The following PRR12 variants were observed in gnomAD, a reference collection of about 807,000 sequenced individuals.
The protein encoded by PRR12 is proline-rich protein 12.
A neutral mutation model predicts 138.0 loss-of-function variants in PRR12; 12 were observed. That is an observed-to-expected ratio of 0.09 (90% CI 0.06 to 0.14). The LOEUF is 0.14. Ranked by LOEUF, PRR12 falls within the 10% of genes least tolerant of loss-of-function variation. PRR12 has a pLI of 1.00. For synonymous variants in PRR12, 1,567 were observed against 1,291.7 expected (o/e 1.21, Z -4.57); for missense variants, 2,692 against 2,861.3 (o/e 0.94, Z 1.35).
Position 49,596,726 on chromosome 19 carries a change from T to C in PRR12, c.2391T>C (p.Pro797=), listed in dbSNP as rs1568422758. Residue 797 remains proline, a synonymous_variant, in exon 4 of 14, where the codon CCT becomes CCC. Transcript: ENST00000418929. The surrounding 1 kb of genome is among the most constrained non-coding windows in gnomAD (Gnocchi z 5.6). ...GPDLPLVLPP[P]PPQLLPSVLS... ...ACCTCCCACTGGTGCTGCCTCCGCC[T>C]CCCCCCCAGCTGCTCCCCTCGGTCC... 1.3e-6 allele frequency: 2 copies of C among 1,595,916 alleles called. No individual in the cohort carries two copies. Among genetic ancestry groups the C allele is most frequent in the East Asian group, 2.2e-5 (1 of 44,580 alleles).
chr19:49,625,478 C>T lies in PRR12; in HGVS notation c.5982C>T (p.Gly1994=), dbSNP rs370259272. 80 of 1,606,622 alleles carry T rather than the reference C, an allele frequency of 5.0e-5. No individual in the cohort carries two copies. The highest frequency in any genetic ancestry group is 1.2e-4 in the African/African-American group (9 of 73,524). ...CCCTGCAGACCCTGGCCATCGAGGG[C>T]GGCGCCGAGGACCTGGGCCAGGAGG... ...RCRDQTLAIE[G]GAEDLGQEEV... is the part of the protein sequence containing the mutation. Residue 1994 remains glycine (G), a synonymous_variant, in exon 14 of 14, where the codon GGC becomes GGT. Transcript: ENST00000418929. This position sits in a 1 kb window ranked among gnomAD's most constrained non-coding sequence, Gnocchi z 5.5.
chr19:49,614,395 G>T lies in PRR12; in HGVS notation c.4774-138G>T. ...ACACAGAGCTGAACACATCATGGGG[G>T]TAGAAGATATTTGTTGTTGACGTGT... is the stretch of plus-strand genomic sequence containing the variant. On this transcript the variant is annotated intron_variant, in intron 6 of 13. Coordinates refer to ENST00000418929, the MANE Select transcript of PRR12 (RefSeq NM_020719.3). This position sits in a 1 kb window ranked among gnomAD's most constrained non-coding sequence, Gnocchi z 5.0. 1.6e-6 allele frequency: 1 copy of T among 612,370 alleles called. No individual in the cohort carries two copies. Among genetic ancestry groups the T allele is most frequent in the East Asian group, 2.8e-5 (1 of 35,296 alleles). 37.9% of individuals were successfully genotyped at this position (612,370 alleles called of 1,614,324 possible).
Position 49,620,503 on chromosome 19 carries a change from G to T in PRR12, c.5623+26G>T, listed in dbSNP as rs376034554. The T allele has an allele frequency of 3.3e-4, 508 of 1,548,002 alleles. 3 individuals carry two copies. Among genetic ancestry groups the T allele is most frequent in the Non-Finnish European group, 4.0e-4 (454 of 1,144,074 alleles). On this transcript the variant is annotated intron_variant, in intron 10 of 13. Transcript: ENST00000418929. ...GTGAGCTGAGGCCTGGGGAGGAGGG[G>T]GGGGGGCTGACTCGGTCTGAGGGAG...
intron 6 of PRR12, among the ~76,000 whole-genome samples, chr19:49,607,361 GCACACA>G (rs72175242): frequency 1.4e-5 from 2 of 147,760 alleles, no homozygotes; most frequent in African/African-American, 5.1e-5. Context: ...ATGTACGTGT[GCACACA>G]CACACACACA....
chr19:49,596,215 G>A lies in PRR12; in HGVS notation c.1880G>A (p.Gly627Asp), dbSNP rs372753401. The A allele has an allele frequency of 3.8e-5, 62 of 1,610,626 alleles. No individual in the cohort carries two copies. The highest frequency in any genetic ancestry group is 1.7e-4 in the Middle Eastern group (1 of 6,060). The change falls in exon 4 of 14, where the codon GGC becomes GAC. Residue 627 changes from glycine to aspartate, a missense_variant. By Grantham distance (94) the Gly-to-Asp change is moderately conservative. Coordinates refer to ENST00000418929, the MANE Select transcript of PRR12 (RefSeq NM_020719.3). The surrounding 1 kb of genome is among the most constrained non-coding windows in gnomAD (Gnocchi z 5.6). ...GGGGATGGCTCGGAGCTGCTGGCGGGCCCAGGTGGGCCTCCTGCGGAGCGC... is the reference window on the plus strand; with the variant it reads ...GGGGATGGCTCGGAGCTGCTGGCGGACCCAGGTGGGCCTCCTGCGGAGCGC... ...GKGDGSELLA[G>D]PGGPPAERTE...
At chr19:49,624,597 T>C (rs1244706506) in intron 11 of PRR12, among the ~76,000 whole-genome samples, 1 of 150,006 alleles carries the variant, frequency 6.7e-6, no homozygotes, top group East Asian at 2.0e-4. Flanking sequence ...CTGGGGTAGA[T>C]GGTTAGGATG....
In PRR12 at chr19:49,614,041, G is replaced by T. The variant is rs547357924; in HGVS notation, c.4774-492G>T. ...AAGAATCGGCTTGAACCCGGGAGGC[G>T]GAGGTCGCAGTGAGCTGAGATTGCG... On this transcript the variant is annotated intron_variant, in intron 6 of 13. Coordinates refer to ENST00000418929, the MANE Select transcript of PRR12 (RefSeq NM_020719.3). The surrounding 1 kb of genome is among the most constrained non-coding windows in gnomAD (Gnocchi z 5.0). Among the ~76,000 whole-genome samples the T allele has an allele frequency of 1.3e-5, 2 of 152,256 alleles. No individual in the cohort carries two copies. The highest frequency in any genetic ancestry group is 2.1e-4 in the South Asian group (1 of 4,828).
In PRR12 at chr19:49,616,213, G is replaced by A. The variant is rs751059175; in HGVS notation, c.5491G>A (p.Glu1831Lys). The change falls in exon 9 of 14, where the codon GAG (glutamate) becomes AAG (lysine). Residue 1831 changes from glutamate (E) to lysine (K), a missense_variant. Coordinates refer to ENST00000418929, the MANE Select transcript of PRR12 (RefSeq NM_020719.3). This position sits in a 1 kb window ranked among gnomAD's most constrained non-coding sequence, Gnocchi z 4.2. ...GGAGTCCTCCCCTGGAGCCCCCAGC[G>A]AGGACGGTGAGGCCCTAGGCAGCCT... Reference protein sequence around the residue: ...DSESSPGAPSEDERAVPGRLL... With the variant: ...DSESSPGAPSKDERAVPGRLL... The A allele has an allele frequency of 1.2e-5, 19 of 1,528,062 alleles. No homozygotes were observed. The highest frequency in any genetic ancestry group is 6.3e-5 in the South Asian group (5 of 79,444). 94.7% of individuals were successfully genotyped at this position (1,528,062 alleles called of 1,614,324 possible).
At chr19:49,603,264 G>T (rs192858284) in intron 6 of PRR12, among the ~76,000 whole-genome samples, 257 of 152,388 alleles carry the variant, frequency 1.7e-3, no homozygotes, top group Non-Finnish European at 3.0e-3. Context: ...CGGCTGAGCA[G>T]GTGCTCAGGA....
At chr19:49,621,442 G>A (rs1458582554) in intron 10 of PRR12, 83 bp from the exon 11 acceptor site, 13 of 1,100,308 alleles carry the variant, frequency 1.2e-5, no homozygotes, top group Non-Finnish European at 1.7e-5. Context: ...AGGGGATTTG[G>A]GGACCCAGAC....
rs1262444423 is a variant in PRR12, at chr19:49,596,290, C to T, written c.1955C>T (p.Pro652Leu). ...LIQHLLQAPS[P>L]PRTSGADGLV... is the part of the protein sequence containing the mutation. ...CAGCACCTCTTGCAGGCGCCCAGCC[C>T]TCCTCGGACCTCAGGGGCGGACGGC... The change falls in exon 4 of 14, where the codon CCT (proline) becomes CTT (leucine). Residue 652 changes from proline (P) to leucine (L), a missense_variant. Pro to Leu is a moderately conservative substitution (Grantham distance 98). Transcript: ENST00000418929. This position sits in a 1 kb window ranked among gnomAD's most constrained non-coding sequence, Gnocchi z 5.6. 6.2e-7 allele frequency: 1 copy of T among 1,611,392 alleles called. No homozygotes were observed. Among genetic ancestry groups the T allele is most frequent in the South Asian group, 1.1e-5 (1 of 90,994 alleles).
chr19:49,596,143 C>T lies in PRR12; in HGVS notation c.1808C>T (p.Pro603Leu), dbSNP rs535703648. The change falls in exon 4 of 14, where the codon CCG becomes CTG. Residue 603 changes from proline (P) to leucine (L), a missense_variant. Physicochemically the swap from Pro to Leu is moderately conservative, Grantham distance 98. Around this residue, in one of 11 missense-constraint regions of PRR12, gnomAD observed 66 missense variants for 102.4 expected, o/e 0.64. Coordinates refer to ENST00000418929, the MANE Select transcript of PRR12 (RefSeq NM_020719.3). This position sits in a 1 kb window ranked among gnomAD's most constrained non-coding sequence, Gnocchi z 5.6. Reference sequence around the variant, plus strand: ...GCCTCAGCGCCTTTCCTGGCACCTCCGGGAGCTGGCAGCTATGCAGCCGGA... The same window carrying T: ...GCCTCAGCGCCTTTCCTGGCACCTCTGGGAGCTGGCAGCTATGCAGCCGGA... ...VLASAPFLAP[P>L]GAGSYAAGAG... The T allele has an allele frequency of 1.6e-5, 26 of 1,606,230 alleles. No homozygotes were observed. The highest frequency in any genetic ancestry group is 3.3e-5 in the South Asian group (3 of 91,092).
rs141403491 is a variant in PRR12 at position 49,594,193 on chromosome 19, T to C, written c.200-261T>C. 9.2e-5 allele frequency among the ~76,000 whole-genome samples: 14 copies of C among 152,338 alleles called. No individual in the cohort carries two copies. Among genetic ancestry groups the C allele is most frequent in the African/African-American group, 3.4e-4 (14 of 41,582 alleles). On this transcript the variant is annotated intron_variant, in intron 2 of 13. Coordinates refer to ENST00000418929, the MANE Select transcript of PRR12 (RefSeq NM_020719.3). This position sits in a 1 kb window ranked among gnomAD's most constrained non-coding sequence, Gnocchi z 5.6. ...TCGCTTCTAGATTTTTCTACACTTTTGTCTACCATTTCCTACCTGGGCCCC... is the reference window on the plus strand; with the variant it reads ...TCGCTTCTAGATTTTTCTACACTTTCGTCTACCATTTCCTACCTGGGCCCC...
At position 49,597,314 on chromosome 19, in the gene PRR12, C is replaced by T; in HGVS notation, c.2979C>T (p.Tyr993=). The T allele has an allele frequency of 1.9e-6, 3 of 1,553,708 alleles. No homozygotes were observed. Among genetic ancestry groups the T allele is most frequent in the South Asian group, 1.2e-5 (1 of 84,782 alleles). ...GPPAYDPYGP[Y]CPGRASGAGP... ...CTGCTTATGATCCCTATGGGCCCTA[C>T]TGTCCTGGCCGGGCGTCGGGAGCCG... Residue 993 remains tyrosine (Y), a synonymous_variant, in exon 4 of 14, where the codon TAC becomes TAT. Coordinates refer to ENST00000418929, the MANE Select transcript of PRR12 (RefSeq NM_020719.3). The surrounding 1 kb of genome is among the most constrained non-coding windows in gnomAD (Gnocchi z 6.3).
rs1194790411 is a variant in PRR12, at chr19:49,610,574, G to A, written c.4774-3959G>A. ...TTTTTTTTTTTTGAGATGGAGTCTC[G>A]CTCTGTTGCCCAAGCTGGAGTGCTG... On this transcript the variant is annotated intron_variant, in intron 6 of 13. Coordinates refer to ENST00000418929, the MANE Select transcript of PRR12 (RefSeq NM_020719.3). Among the ~76,000 whole-genome samples the A allele has an allele frequency of 3.8e-5, 4 of 106,224 alleles. No individual in the cohort carries two copies. In the East Asian group the frequency reaches 6.3e-4, roughly 17 times the overall value. The allele number at this position is 106,224 out of a possible 152,430, so 69.7% of individuals were successfully genotyped here.
At position 49,599,440 on chromosome 19, in the gene PRR12, G is replaced by A; in HGVS notation, c.3847G>A (p.Ala1283Thr). The A allele has an allele frequency of 6.2e-7, 1 of 1,607,608 alleles. No homozygotes were observed. Among genetic ancestry groups the A allele is most frequent in the Non-Finnish European group, 8.5e-7 (1 of 1,177,500 alleles). ...KQPEMKSGFM[A>T]SFLDFLKSGK... Reference sequence around the variant, plus strand: ...GCCGGAGATGAAGTCGGGTTTCATGGCCTCCTTCTTGGACTTCCTCAAGTC... The same window carrying A: ...GCCGGAGATGAAGTCGGGTTTCATGACCTCCTTCTTGGACTTCCTCAAGTC... Residue 1283 changes from alanine (A) to threonine (T), a missense_variant, in exon 5 of 14, where the codon GCC becomes ACC. By Grantham distance (58) the Ala-to-Thr change is moderately conservative (BLOSUM62 0). This residue lies in a region of PRR12 where 326 missense variants were observed against 344.2 expected (regional missense o/e 0.95). Coordinates refer to ENST00000418929, the MANE Select transcript of PRR12 (RefSeq NM_020719.3). This position sits in a 1 kb window ranked among gnomAD's most constrained non-coding sequence, Gnocchi z 5.0.
In PRR12 at chr19:49,597,820, C is replaced by T. The variant is rs894650382; in HGVS notation, c.3485C>T (p.Ala1162Val). Residue 1162 changes from alanine to valine, a missense_variant, in exon 4 of 14, where the codon GCG (alanine) becomes GTG (valine). Coordinates refer to ENST00000418929, the MANE Select transcript of PRR12 (RefSeq NM_020719.3). This position sits in a 1 kb window ranked among gnomAD's most constrained non-coding sequence, Gnocchi z 6.3. ...CGCCGTGGCCGCAAGCCCACGAAGG[C>T]GAAACGTGATGGGCCACCCCGGCCA... ...PRRRGRKPTK[A>V]KRDGPPRPRG... 4.5e-6 allele frequency: 7 copies of T among 1,539,920 alleles called. No individual in the cohort carries two copies. The African/African-American group carries it at 5.5e-5, about 12-fold the overall frequency.
intron 11 of PRR12, 125 bp from the exon 12 acceptor site, chr19:49,624,719 G>T: frequency 7.2e-7 from 1 of 1,386,090 alleles, no homozygotes; most frequent in East Asian, 2.5e-5. Flanking sequence ...CCTTTGAGGA[G>T]ACTCTAGTTG....
rs766792738 is a variant in PRR12, at chr19:49,601,724, C to G, written c.4579C>G (p.Pro1527Ala). The change falls in exon 6 of 14, where the codon CCT becomes GCT. Residue 1527 changes from proline to alanine, a missense_variant. By Grantham distance (27) the Pro-to-Ala change is conservative. This residue lies in a region of PRR12 where 231 missense variants were observed against 200.8 expected (regional missense o/e 1.15). Coordinates refer to ENST00000418929, the MANE Select transcript of PRR12 (RefSeq NM_020719.3). ...PPAAAPLAAPPEEPAAPSPED... is the reference protein window; with the variant it reads ...PPAAAPLAAPAEEPAAPSPED... ...AGCCGCTGCCCCACTGGCTGCTCCT[C>G]CTGAGGAGCCCGCCGCCCCGTCTCC... 6.5e-7 allele frequency: 1 copy of G among 1,545,022 alleles called. No homozygotes were observed. The highest frequency in any genetic ancestry group is 1.4e-5 in the African/African-American group (1 of 73,196).
Sources: gnomAD v4.1 joint callset for allele counts (sites outside exome capture counted in the v4.1 genomes callset) on GRCh38, gnomAD v4.1.1 for gene constraint, gnomAD v4.1.1 regional missense constraint, Gnocchi (gnomAD v3.1) non-coding constraint, MANE v1.5 for transcripts, NCBI Gene and HGNC (gene_info 2026-07-23, HGNC 2026-07-21) for gene names.